The following EYS variants were observed in gnomAD, a reference collection of about 807,000 sequenced individuals.
The protein encoded by EYS is EGF-like photoreceptor maintenance factor, also known as protein eyes shut homolog.
EYS carries 250 observed loss-of-function variants against 282.1 expected under a neutral mutation model. The ratio of observed to expected loss-of-function variants is 0.89; its 90% confidence interval spans 0.80 to 0.98. The LOEUF is 0.98. Among genes scored for constraint, EYS ranks in the 50% least tolerant of loss-of-function variants. EYS has a pLI of 0.00. For missense variants in EYS, 4,016 were observed against 3,709.0 expected (o/e 1.08, Z -2.15); for synonymous variants, 1,355 against 1,282.9 (o/e 1.06, Z -1.20).
intron 29 of EYS, among the ~76,000 whole-genome samples, chr6:64,349,205 A>G (rs1191528085): frequency 1.3e-5 from 2 of 151,378 alleles, no homozygotes; most frequent in Admixed American, 6.6e-5. Context: ...TAATATTACT[A>G]TCAACTAAAT....
intron 12 of EYS, among the ~76,000 whole-genome samples, chr6:65,182,493 T>C (rs893572065): frequency 1.3e-5 from 2 of 151,756 alleles, no homozygotes; most frequent in African/African-American, 4.8e-5. Context: ...AAATACTTGA[T>C]GTTTAGTATT....
intron 12 of EYS, among the ~76,000 whole-genome samples, chr6:65,137,985 C>T (rs1356013414): frequency 1.3e-5 from 2 of 151,522 alleles, no homozygotes; most frequent in East Asian, 1.9e-4. Context: ...ATTATAATGC[C>T]TAAATAAAAA....
intron 28 of EYS, among the ~76,000 whole-genome samples, chr6:64,426,578 G>C (rs2150456353): frequency 1.3e-5 from 2 of 151,728 alleles, no homozygotes; most frequent in East Asian, 3.9e-4. Context: ...TCAGCAGAGA[G>C]AAAAAGATGG....
At chr6:64,482,375 T>A (rs934625693) in intron 26 of EYS, among the ~76,000 whole-genome samples, 1 of 151,724 alleles carries the variant, frequency 6.6e-6, no homozygotes, top group East Asian at 1.9e-4. Flanking sequence ...CATATATGAT[T>A]CATTTCAAAA....
Position 65,137,350 on chromosome 6 carries a change from G to A in EYS, c.2024-79623C>T, listed in dbSNP as rs577960340. On this transcript the variant is annotated intron_variant, in intron 12 of 42. Coordinates refer to ENST00000503581, the MANE Select transcript of EYS (RefSeq NM_001142800.2). ...ATCAGAAACAGCCAAATGTTAAAAGGCCCTCAGGAGTTTGGCATCGTGAAG... is the reference window on the plus strand; with the variant it reads ...ATCAGAAACAGCCAAATGTTAAAAGACCCTCAGGAGTTTGGCATCGTGAAG... Among the ~76,000 whole-genome samples the A allele has an allele frequency of 2.0e-3, 297 of 152,146 alleles. 2 individuals are homozygous for A. Among genetic ancestry groups the A allele is most frequent in the African/African-American group, 6.6e-3 (273 of 41,552 alleles).
intron 5 of EYS, among the ~76,000 whole-genome samples, chr6:65,464,055 AG>A (rs1317494484): frequency 6.6e-6 from 1 of 151,908 alleles, no homozygotes; most frequent in African/African-American, 2.4e-5. Flanking sequence ...TTCAAATTTC[AG>A]TTATGTTTTC....
chr6:64,296,596 ATATTTTTTTTTTTT>A (rs1561913897), intron 30 of EYS, among the ~76,000 whole-genome samples: 2 of 6,158 alleles, frequency 3.2e-4, no homozygotes, highest in Non-Finnish European at 4.7e-4. Context: ...ATATATATAT[ATATTTTTTTTTTTT>A]TTTTTTTTTT....
At position 64,922,973 on chromosome 6, in the gene EYS, T is replaced by A. The variant is rs181315026; in HGVS notation, c.2382-10230A>T. Among the ~76,000 whole-genome samples, 6 of 152,300 alleles carry A rather than the reference T, an allele frequency of 3.9e-5. No homozygotes were observed. The East Asian group carries it at 1.2e-3, about 29-fold the overall frequency. ...CAAGATCCAGTATTACTATGCTGAT[T>A]TTTTTCTCATCTGGAGAAACACTTC... On this transcript the variant is annotated intron_variant, in intron 15 of 42. Transcript: ENST00000503581.
chr6:65,329,124 G>A (rs537483394), intron 11 of EYS: 3 of 154,556 alleles, frequency 1.9e-5, no homozygotes, highest in African/African-American at 7.2e-5. Context: ...TTTGAGATAT[G>A]AAATTGAAGT....
chr6:64,832,936 A>G (rs140608540), intron 19 of EYS, among the ~76,000 whole-genome samples: 45 of 152,058 alleles, frequency 3.0e-4, no homozygotes, highest in Middle Eastern at 3.4e-3. Context: ...TTTAGAAATG[A>G]TTGCTCTAAG....
intron 31 of EYS, among the ~76,000 whole-genome samples, chr6:64,152,915 G>T (rs950638842): frequency 6.6e-6 from 1 of 152,018 alleles, no homozygotes; most frequent in Non-Finnish European, 1.5e-5. Flanking sequence ...ATGGAGATGA[G>T]GCAAAAACAG....
chr6:64,219,238 G>A (rs143433597), intron 31 of EYS, among the ~76,000 whole-genome samples: 32 of 152,294 alleles, frequency 2.1e-4, no homozygotes, highest in Admixed American at 7.2e-4. Context: ...GCAGAAGGGT[G>A]TGGACAGTTT....
chr6:64,648,817 A>G (rs1768448349), intron 22 of EYS, among the ~76,000 whole-genome samples: 2 of 152,228 alleles, frequency 1.3e-5, no homozygotes, highest in Non-Finnish European at 2.9e-5. Flanking sequence ...GAGATAATTT[A>G]TGAAATTTCA....
At chr6:65,684,785 A>G (rs1768952120) in intron 1 of EYS, among the ~76,000 whole-genome samples, 1 of 152,008 alleles carries the variant, frequency 6.6e-6, no homozygotes, top group Admixed American at 6.6e-5. Context: ...TGGTGTTCAG[A>G]TTATTTCATC....
chr6:64,240,253 A>G (rs960495556), intron 30 of EYS, among the ~76,000 whole-genome samples: 4 of 152,172 alleles, frequency 2.6e-5, no homozygotes, highest in African/African-American at 9.7e-5. Context: ...TTTTGGTTCC[A>G]TATGAAATTT....
Position 64,375,580 on chromosome 6 carries a change from A to G in EYS, c.6078+13110T>C, listed in dbSNP as rs541748095. 1.8e-4 allele frequency among the ~76,000 whole-genome samples: 27 copies of G among 152,320 alleles called. No homozygotes were observed. In the East Asian group the frequency reaches 4.4e-3, roughly 25 times the overall value. On this transcript the variant is annotated intron_variant, in intron 29 of 42. Coordinates refer to ENST00000503581, the MANE Select transcript of EYS (RefSeq NM_001142800.2). The stretch of plus-strand genomic sequence containing the variant: ...TGGGGTAGGAGATATGGCAGATACT[A>G]TCTACCTACCAGAGTCTTCAGGTGC...
intron 35 of EYS, among the ~76,000 whole-genome samples, chr6:63,946,419 T>A (rs1313711828): frequency 1.3e-5 from 2 of 152,228 alleles, no homozygotes; most frequent in African/African-American, 4.8e-5. Context: ...GCATTTTATA[T>A]GTATTAACTC....
intron 12 of EYS, among the ~76,000 whole-genome samples, chr6:65,204,962 A>G (rs1449375928): frequency 0.047 from 5,804 of 122,680 alleles, 792 homozygotes; most frequent in African/African-American, 0.12. Flanking sequence ...CTAGAAGAAT[A>G]TATTTATATA....
intron 11 of EYS, among the ~76,000 whole-genome samples, chr6:65,306,832 CAAAAAAAA>C (rs201743269): frequency 4.3e-3 from 223 of 51,710 alleles, no homozygotes; most frequent in African/African-American, 0.015. Context: ...GAGTCCGTCT[CAAAAAAAA>C]AAAAAAAAAA....
Sources: allele counts gnomAD v4.1 joint callset (sites outside exome capture counted in the v4.1 genomes callset), GRCh38; gene constraint gnomAD v4.1.1; transcripts MANE v1.5; gene names NCBI Gene and HGNC (gene_info 2026-07-23, HGNC 2026-07-21).